The following TNRC18 variants were observed in gnomAD, a reference collection of about 807,000 sequenced individuals.
TNRC18 encodes trinucleotide repeat containing 18.
A neutral mutation model predicts 226.7 loss-of-function variants in TNRC18; 69 were observed. The observed-to-expected ratio is 0.30, with a 90% CI of 0.25 to 0.37. TNRC18 has a LOEUF of 0.37. Ranked by LOEUF, TNRC18 falls within the 10% of genes least tolerant of loss-of-function variation. The pLI, the probability that TNRC18 is intolerant of heterozygous loss-of-function variation, is 1.00. For missense variants in TNRC18, 4,754 were observed against 4,256.6 expected, an observed-to-expected ratio of 1.12 and a Z score of -3.25; for synonymous variants, 2,449 against 1,927.6, an observed-to-expected ratio of 1.27 and a Z score of -7.09.
intron 2 of TNRC18, among the ~76,000 whole-genome samples, chr7:5,414,633 C>T (rs866261467): frequency 6.6e-6 from 1 of 152,106 alleles, no homozygotes; most frequent in South Asian, 2.1e-4. Flanking sequence ...AGGATGGTCT[C>T]GATCTCCTGA....
intron 15 of TNRC18, among the ~76,000 whole-genome samples, chr7:5,358,938 G>A (rs1483366845): frequency 6.6e-6 from 1 of 152,198 alleles, no homozygotes; most frequent in African/African-American, 2.4e-5. Flanking sequence ...GAAGAAATAA[G>A]AAGAATCAAG....
intron 2 of TNRC18, among the ~76,000 whole-genome samples, chr7:5,396,737 T>G (rs10236222): frequency 6.6e-6 from 1 of 151,830 alleles, no homozygotes; most frequent in Non-Finnish European, 1.5e-5. Flanking sequence ...GGCCCTGTGT[T>G]GTGAGCACTG....
intron 21 of TNRC18, among the ~76,000 whole-genome samples, chr7:5,322,418 C>T (rs1788474096): frequency 6.6e-6 from 1 of 152,148 alleles, no homozygotes; most frequent in Admixed American, 6.5e-5. Flanking sequence ...CCCACCTTAG[C>T]CTCCTGAGTA....
chr7:5,377,416 G>A lies in TNRC18; in HGVS notation c.2416C>T (p.Pro806Ser), dbSNP rs1163043525. The A allele has an allele frequency of 2.5e-6, 4 of 1,596,282 alleles. No individual in the cohort carries two copies. The highest frequency in any genetic ancestry group is 2.6e-6 in the Non-Finnish European group (3 of 1,172,564). Residue 806 changes from proline (P) to serine (S), a missense_variant, in exon 7 of 30, where the codon CCC (proline) becomes TCC (serine). Physicochemically the swap from Pro to Ser is moderately conservative, Grantham distance 74. Transcript: ENST00000430969. This position sits in a 1 kb window ranked among gnomAD's most constrained non-coding sequence, Gnocchi z 5.8. ...AAHLATHPWL[P>S]RSGNASMWLA... Reference sequence around the variant, plus strand: ...CACATGGATGCGTTGCCCGAGCGGGGCAACCAGGGGTGCGTGGCCAGATGG... The same window carrying A: ...CACATGGATGCGTTGCCCGAGCGGGACAACCAGGGGTGCGTGGCCAGATGG...
chr7:5,371,125 C>G lies in TNRC18; in HGVS notation c.3469G>C (p.Glu1157Gln), dbSNP rs777770440. 16 of 1,611,958 alleles carry G rather than the reference C, an allele frequency of 9.9e-6. 1 individual carries two copies. The highest frequency in any genetic ancestry group is 1.7e-5 in the Admixed American group (1 of 59,970). ...ATGTCCTCCACCTCTGCCTTCACCT[C>G]CCGCTCAGCCAGCGGTTCTTCCTCC... ...GPEEEPLAER[E>Q]VKAEVEDMDE... The change falls in exon 11 of 30, where the codon GAG (glutamate) becomes CAG (glutamine). Residue 1157 changes from glutamate (E) to glutamine (Q), a missense_variant. Glu to Gln is a conservative substitution (Grantham distance 29, BLOSUM62 2). Coordinates refer to ENST00000430969, the MANE Select transcript of TNRC18 (RefSeq NM_001080495.3).
chr7:5,320,458 GAC>G lies in TNRC18; in HGVS notation c.6637-34_6637-33del, dbSNP rs781467500. On this transcript the variant is annotated intron_variant, in intron 23 of 29. Coordinates refer to ENST00000430969, the MANE Select transcript of TNRC18 (RefSeq NM_001080495.3). ...GGGCATGGGATGAGTGCAAGGTGTGGACACAGTTATGGCCATGGCCTTGGACA... is the reference window on the plus strand; with the variant it reads ...GGGCATGGGATGAGTGCAAGGTGTGGACAGTTATGGCCATGGCCTTGGACA... 1.7e-5 allele frequency: 26 copies of G among 1,564,262 alleles called. No individual in the cohort carries two copies. In the Admixed American group the frequency reaches 3.6e-4, roughly 22 times the overall value.
chr7:5,346,140 T>G (rs1231198844), intron 17 of TNRC18, among the ~76,000 whole-genome samples: 2 of 152,158 alleles, frequency 1.3e-5, no homozygotes, highest in South Asian at 2.1e-4. Flanking sequence ...GGAGACAGCG[T>G]TCTCCACAGT....
chr7:5,337,640 A>C (rs975956394), intron 18 of TNRC18, among the ~76,000 whole-genome samples: 5 of 152,074 alleles, frequency 3.3e-5, no homozygotes, highest in Non-Finnish European at 7.4e-5. Flanking sequence ...AATACAAAAG[A>C]CTTTGTTCAC....
chr7:5,371,934 G>A (rs575754822), intron 10 of TNRC18, among the ~76,000 whole-genome samples: 2 of 152,248 alleles, frequency 1.3e-5, no homozygotes, highest in South Asian at 2.1e-4. Flanking sequence ...CTTCACTCTT[G>A]TTGCCCAGGC....
intron 1 of TNRC18, 81 bp from the exon 2 acceptor site, chr7:5,421,570 C>T (rs1244522517): frequency 2.0e-5 from 3 of 152,256 alleles, no homozygotes; most frequent in Admixed American, 2.0e-4. Flanking sequence ...TAACAAGTTT[C>T]AGAAAGTCGC....
rs996481717 is a variant in TNRC18, at chr7:5,362,105, G to C, written c.4396-72C>G. ...CTAACGACGCCCACCGCCCACCCAG[G>C]GGTGCCCCTGAGGAAGGGGAGACTG... On this transcript the variant is annotated intron_variant, in intron 12 of 29. Transcript: ENST00000430969. The C allele has an allele frequency of 7.7e-6, 12 of 1,559,420 alleles. No homozygotes were observed. The Admixed American group carries it at 2.0e-4, about 26-fold the overall frequency.
chr7:5,324,988 C>T lies in TNRC18; in HGVS notation c.6300+108G>A. Reference sequence around the variant, plus strand: ...CGTCACCCGCAACCTCTCTGAGCCACAGCTATAGGGAGGGTGAATACAGAG... The same window carrying T: ...CGTCACCCGCAACCTCTCTGAGCCATAGCTATAGGGAGGGTGAATACAGAG... On this transcript the variant is annotated intron_variant, in intron 20 of 29. Transcript: ENST00000430969. The surrounding 1 kb of genome is among the most constrained non-coding windows in gnomAD (Gnocchi z 4.8). The T allele has an allele frequency of 7.5e-7, 1 of 1,336,932 alleles. No individual in the cohort carries two copies. Among genetic ancestry groups the T allele is most frequent in the Non-Finnish European group, 1.0e-6 (1 of 997,784 alleles). The allele number at this position is 1,336,932 out of a possible 1,614,324, so 82.8% of individuals were successfully genotyped here.
At chr7:5,350,428 C>A (rs1269027756) in intron 17 of TNRC18, among the ~76,000 whole-genome samples, 1 of 125,972 alleles carries the variant, frequency 7.9e-6, no homozygotes, top group Non-Finnish European at 1.6e-5. Flanking sequence ...GCTGGAAAAA[C>A]AGGGCGGGCG....
chr7:5,403,656 G>A (rs756512084), intron 2 of TNRC18, among the ~76,000 whole-genome samples: 9 of 152,156 alleles, frequency 5.9e-5, no homozygotes, highest in Non-Finnish European at 8.8e-5. Flanking sequence ...GCCAGGCTTA[G>A]TGGTGTACAC....
At position 5,376,201 on chromosome 7, in the gene TNRC18, C is replaced by A. The variant is rs371926621; in HGVS notation, c.2632G>T (p.Val878Leu). ...TACAGGGCGGGCCAGAGGGGCGGTA[C>A]GGTGGCCCGCTCCATCAGCTCCGCT... Reference protein sequence around the residue: ...HFAELMERATVPPLWPALYPP... With the variant: ...HFAELMERATLPPLWPALYPP... The change falls in exon 9 of 30, where the codon GTA (valine) becomes TTA (leucine). Residue 878 changes from valine (V) to leucine (L), a missense_variant. By Grantham distance (32) the Val-to-Leu change is conservative. Coordinates refer to ENST00000430969, the MANE Select transcript of TNRC18 (RefSeq NM_001080495.3). The A allele has an allele frequency of 1.5e-5, 23 of 1,518,614 alleles. No homozygotes were observed. The highest frequency in any genetic ancestry group is 2.0e-5 in the Non-Finnish European group (23 of 1,136,352). 94.1% of individuals were successfully genotyped at this position (1,518,614 alleles called of 1,614,324 possible). A position where few individuals can be genotyped will look rare whatever the true frequency, so the allele number is the denominator to read the frequency against.
In TNRC18 at chr7:5,364,225, G is replaced by A. The variant is rs183163697; in HGVS notation, c.4220-1400C>T. On this transcript the variant is annotated intron_variant, in intron 11 of 29. Coordinates refer to ENST00000430969, the MANE Select transcript of TNRC18 (RefSeq NM_001080495.3). ...AGGCATAAGAACTGCTTAAACTCAGGAGGCAGAAGTTGCAGTGAGCTGAGA... is the reference window on the plus strand; with the variant it reads ...AGGCATAAGAACTGCTTAAACTCAGAAGGCAGAAGTTGCAGTGAGCTGAGA... Among the ~76,000 whole-genome samples the A allele has an allele frequency of 2.5e-3, 375 of 152,220 alleles. 1 individual carries two copies. The highest frequency in any genetic ancestry group is 3.5e-3 in the Non-Finnish European group (235 of 68,024).
chr7:5,356,940 A>G lies in TNRC18; in HGVS notation c.5170T>C (p.Ser1724Pro). ...CTGTAAGAGTAGCTGCTCACTTCCG[A>G]GGCAAACGGGGAATGGGCCGACTTG... ...QPKSAHSPFA[S>P]EVSSYSYNTD... Residue 1724 changes from serine (S) to proline (P), a missense_variant, in exon 16 of 30, where the codon TCG becomes CCG. Ser to Pro is a moderately conservative substitution (Grantham distance 74, BLOSUM62 -1). Coordinates refer to ENST00000430969, the MANE Select transcript of TNRC18 (RefSeq NM_001080495.3). 3.9e-6 allele frequency: 6 copies of G among 1,550,018 alleles called. No homozygotes were observed. Among genetic ancestry groups the G allele is most frequent in the Non-Finnish European group, 5.2e-6 (6 of 1,146,148 alleles).
In TNRC18 at chr7:5,307,866, G is replaced by A. The variant is rs1786708342; in HGVS notation, c.*240C>T. On this transcript the variant is annotated 3_prime_UTR_variant, in exon 30 of 30. Transcript: ENST00000430969. The stretch of plus-strand genomic sequence containing the variant: ...CGGCCATACCCTGATAGCTAAGAGG[G>A]GCCCCTGTCCTGGGGGCACTGAGGG... 1.8e-6 allele frequency: 1 copy of A among 563,990 alleles called. No individual in the cohort carries two copies. Among genetic ancestry groups the A allele is most frequent in the South Asian group, 2.0e-5 (1 of 49,126 alleles). The allele number at this position is 563,990 out of a possible 1,614,324, so 34.9% of individuals were successfully genotyped here.
intron 18 of TNRC18, among the ~76,000 whole-genome samples, chr7:5,341,140 A>G (rs1268588572): frequency 3.3e-5 from 5 of 151,788 alleles, no homozygotes; most frequent in African/African-American, 1.2e-4. Context: ...GGCCGGGTGC[A>G]GTGGCTCACA....
Sources: allele counts gnomAD v4.1 joint callset (sites outside exome capture counted in the v4.1 genomes callset), GRCh38; gene constraint gnomAD v4.1.1; non-coding constraint Gnocchi (gnomAD v3.1); transcripts MANE v1.5; gene names NCBI Gene and HGNC (gene_info 2026-07-23, HGNC 2026-07-21).